The following COL27A1 variants were observed in gnomAD, a reference collection of about 807,000 sequenced individuals.
COL27A1 encodes the protein collagen alpha-1(XXVII) chain.
In COL27A1, 106 loss-of-function variants were observed where a neutral mutation model predicts 251.3. The observed-to-expected ratio is 0.42, with a 90% CI of 0.36 to 0.50. The LOEUF is 0.50. Ranked by LOEUF, COL27A1 falls within the 20% of genes least tolerant of loss-of-function variation. COL27A1 has a pLI of 0.00. For synonymous variants in COL27A1, 1,000 were observed against 986.3 expected, an observed-to-expected ratio of 1.01 and a Z score of -0.26; for missense variants, 2,325 against 2,522.8, an observed-to-expected ratio of 0.92 and a Z score of 1.68.
chr9:114,254,571 A>T (rs1304700336), intron 27 of COL27A1, among the ~76,000 whole-genome samples: 3 of 152,002 alleles, frequency 2.0e-5, no homozygotes, highest in African/African-American at 4.8e-5. Flanking sequence ...CCAGGCACAG[A>T]TCCGGAGGTA....
At chr9:114,228,611 A>C (rs1831691238) in intron 14 of COL27A1, among the ~76,000 whole-genome samples, 1 of 152,096 alleles carries the variant, frequency 6.6e-6, no homozygotes, top group East Asian at 1.9e-4. Flanking sequence ...TGGAGCCCTA[A>C]CCTCTCAGAG....
chr9:114,288,670 G>A, intron 42 of COL27A1, 32 bp from the exon 43 acceptor site: 2 of 1,600,342 alleles, frequency 1.2e-6, no homozygotes, highest in Non-Finnish European at 1.7e-6. Flanking sequence ...GCACCTGGTG[G>A]CCCAAATTTT....
chr9:114,234,912 C>CAA (rs999381150), intron 16 of COL27A1, among the ~76,000 whole-genome samples: 228 of 105,718 alleles, frequency 2.2e-3, no homozygotes, highest in Middle Eastern at 0.015. Context: ...ACTAAAAATA[C>CAA]AAAAAAAAAA....
At chr9:114,180,261 G>C (rs1012455099) in intron 4 of COL27A1, among the ~76,000 whole-genome samples, 1 of 152,204 alleles carries the variant, frequency 6.6e-6, no homozygotes, top group Non-Finnish European at 1.5e-5. Context: ...CACCCTGCGT[G>C]CTGGAGGTGC....
chr9:114,300,565 G>A, intron 50 of COL27A1, 60 bp from the exon 51 acceptor site: 1 of 1,401,204 alleles, frequency 7.1e-7, no homozygotes, highest in Non-Finnish European at 9.7e-7. Context: ...TGAGGGAGCT[G>A]TGGGGGCCCT....
chr9:114,228,900 T>C (rs1272574222), intron 14 of COL27A1, among the ~76,000 whole-genome samples: 1 of 152,140 alleles, frequency 6.6e-6, no homozygotes, highest in Non-Finnish European at 1.5e-5. Context: ...CAGCTCACTG[T>C]AACCTTGAAC....
At chr9:114,250,067 G>C (rs1238171684) in intron 24 of COL27A1, among the ~76,000 whole-genome samples, 1 of 152,214 alleles carries the variant, frequency 6.6e-6, no homozygotes, top group Non-Finnish European at 1.5e-5. Flanking sequence ...GAGTTCAGCA[G>C]AGCAGCAGGA....
intron 15 of COL27A1, 79 bp downstream of exon 15, chr9:114,231,211 T>G: frequency 7.7e-7 from 1 of 1,305,398 alleles, no homozygotes; most frequent in Non-Finnish European, 1.1e-6. Flanking sequence ...GAAGGAAGGG[T>G]GACCTTAGAT....
At chr9:114,271,479 A>G (rs1026980120) in intron 36 of COL27A1, 15 of 152,574 alleles carry the variant, frequency 9.8e-5, no homozygotes, top group African/African-American at 2.9e-4. Context: ...TGAGGATCCA[A>G]AATTCAAACC....
chr9:114,190,898 T>G (rs1481269081), intron 5 of COL27A1, among the ~76,000 whole-genome samples: 3 of 152,256 alleles, frequency 2.0e-5, no homozygotes, highest in Non-Finnish European at 4.4e-5. Context: ...TATGAAGGTG[T>G]AAATGGTTAG....
At position 114,311,840 on chromosome 9, in the gene COL27A1, T is replaced by C. The variant is rs1454583550; in HGVS notation, c.*1145T>C. 1 of 152,228 alleles carries C rather than the reference T, an allele frequency of 6.6e-6. No homozygotes were observed. The highest frequency in any genetic ancestry group is 1.5e-5 in the Non-Finnish European group (1 of 68,050). 9.4% of individuals were successfully genotyped at this position (152,228 alleles called of 1,614,324 possible). A position where few individuals can be genotyped will look rare whatever the true frequency, so the allele number is the denominator to read the frequency against. Reference sequence around the variant, plus strand: ...TAGGCTTAGAGGTGAAGCATCAACATGGAACCATCTCAGGAAGCCGCATCG... The same window carrying C: ...TAGGCTTAGAGGTGAAGCATCAACACGGAACCATCTCAGGAAGCCGCATCG... On this transcript the variant is annotated 3_prime_UTR_variant, in exon 61 of 61. Coordinates refer to ENST00000356083, the MANE Select transcript of COL27A1 (RefSeq NM_032888.4).
Position 114,288,530 on chromosome 9 carries a change from CTGGACCATG to C in COL27A1, c.4044+23_4044+31del, listed in dbSNP as rs1326805049. On this transcript the variant is annotated intron_variant, in intron 42 of 60. Transcript: ENST00000356083. ...AGATCGGGTAAGCCCCCTCCCTCCC[CTGGACCATG>C]TGGCGTCCTAGGTGGAATCTGAGCC... 13 of 1,597,200 alleles carry C rather than the reference CTGGACCATG, an allele frequency of 8.1e-6. No homozygotes were observed. Among genetic ancestry groups the C allele is most frequent in the Non-Finnish European group, 1.0e-5 (12 of 1,173,206 alleles).
intron 57 of COL27A1, among the ~76,000 whole-genome samples, chr9:114,305,913 C>G (rs1476911625): frequency 6.6e-6 from 1 of 152,232 alleles, no homozygotes; most frequent in Non-Finnish European, 1.5e-5. Context: ...TTATTTAGCT[C>G]TGATTTGTAG....
At chr9:114,228,238 A>G (rs141242078) in intron 14 of COL27A1, among the ~76,000 whole-genome samples, 3,081 of 152,294 alleles carry the variant, frequency 0.02, 36 homozygotes, top group Middle Eastern at 0.068. Flanking sequence ...GTCCCACACA[A>G]CAAGCCACTT....
intron 28 of COL27A1, among the ~76,000 whole-genome samples, chr9:114,263,385 G>T (rs956611594): frequency 1.3e-5 from 2 of 152,012 alleles, no homozygotes; most frequent in Non-Finnish European, 2.9e-5. Context: ...GGGCTCCCGG[G>T]CCAGGATGGG....
intron 16 of COL27A1, among the ~76,000 whole-genome samples, chr9:114,233,208 C>T (rs890822881): frequency 2.0e-5 from 3 of 152,198 alleles, no homozygotes; most frequent in East Asian, 3.9e-4. Context: ...ACAGTTCCTA[C>T]GTCTCACAGA....
intron 16 of COL27A1, among the ~76,000 whole-genome samples, chr9:114,235,290 G>C (rs1832293913): frequency 6.6e-6 from 1 of 152,198 alleles, no homozygotes; most frequent in Non-Finnish European, 1.5e-5. Flanking sequence ...TCAAACACTT[G>C]ATTTGCTCTG....
intron 34 of COL27A1, among the ~76,000 whole-genome samples, chr9:114,268,397 G>A (rs1834890481): frequency 6.6e-6 from 1 of 152,234 alleles, no homozygotes; most frequent in African/African-American, 2.4e-5. Context: ...CCAGCAGGGA[G>A]CATAGCTTGA....
At chr9:114,299,526 C>G (rs954611582) in intron 49 of COL27A1, among the ~76,000 whole-genome samples, 4 of 152,206 alleles carry the variant, frequency 2.6e-5, no homozygotes, top group African/African-American at 4.8e-5. Context: ...GAATCTAGCA[C>G]AGTCCACAAC....
Sources: allele counts gnomAD v4.1 joint callset (sites outside exome capture counted in the v4.1 genomes callset), GRCh38; gene constraint gnomAD v4.1.1; transcripts MANE v1.5; gene names NCBI Gene and HGNC (gene_info 2026-07-23, HGNC 2026-07-21).